NOD2: variants seen among roughly 807,000 people sequenced by gnomAD.
NOD2 encodes the protein nucleotide-binding oligomerization domain-containing protein 2.
A neutral mutation model predicts 90.9 loss-of-function variants in NOD2; 86 were observed. That is an observed-to-expected ratio of 0.95 (90% CI 0.79 to 1.13). NOD2 has a LOEUF of 1.13. Ranked by LOEUF, NOD2 falls within the 50% of genes most tolerant of loss-of-function variation. The pLI is 0.00. For missense variants in NOD2, 1,238 were observed against 1,283.8 expected, an observed-to-expected ratio of 0.96 and a Z score of 0.55; for synonymous variants, 581 against 554.6, an observed-to-expected ratio of 1.05 and a Z score of -0.67.
At chr16:50,727,711 A>G in intron 10 of NOD2, 1 of 363,130 alleles carries the variant, frequency 2.8e-6, no homozygotes, top group Non-Finnish European at 5.5e-6. Flanking sequence ...GTTGTGTGAC[A>G]TGCAGTCGGG....
At chr16:50,697,198 C>A in intron 1 of NOD2, 1 of 1,503,844 alleles carries the variant, frequency 6.6e-7, no homozygotes, top group Non-Finnish European at 9.1e-7. Flanking sequence ...CTGCACAAGG[C>A]CTACCCGCAG....
intron 5 of NOD2, 58 bp downstream of exon 5, chr16:50,716,728 CGT>C: frequency 6.4e-7 from 1 of 1,555,486 alleles, no homozygotes. Context: ...CACCCCAGGT[CGT>C]GCAGCCTGGG....
chr16:50,697,955 C>T (rs1327813342), intron 1 of NOD2: 1 of 155,194 alleles, frequency 6.4e-6, no homozygotes, highest in East Asian at 1.9e-4. Context: ...CTGTGCCAGG[C>T]TCAGGGATGC....
At chr16:50,704,150 A>T (rs575537741) in intron 2 of NOD2, among the ~76,000 whole-genome samples, 1 of 152,342 alleles carries the variant, frequency 6.6e-6, no homozygotes, top group South Asian at 2.1e-4. Context: ...CATCTAGGAG[A>T]TAACTGCCCT....
chr16:50,694,157 G>A (rs1186685142), intron 1 of NOD2, among the ~76,000 whole-genome samples: 1 of 152,132 alleles, frequency 6.6e-6, no homozygotes, highest in Non-Finnish European at 1.5e-5. Context: ...ATCTGGTCCT[G>A]CTTTCATTCC....
rs553428656 is a variant in NOD2 at position 50,708,496 on chromosome 16, A to C, written c.565+536A>C. ...TTATGGACAATGTCTACCCTTTGCA[A>C]CAACCCTGAGAAGTAGGTGGTGTTT... On this transcript the variant is annotated intron_variant, in intron 3 of 11. Transcript: ENST00000647318. Among the ~76,000 whole-genome samples, 4 of 152,344 alleles carry C rather than the reference A, an allele frequency of 2.6e-5. No homozygotes were observed. In the South Asian group the frequency reaches 8.3e-4, roughly 32 times the overall value.
intron 3 of NOD2, among the ~76,000 whole-genome samples, chr16:50,708,685 T>C (rs868002513): frequency 1.3e-5 from 2 of 152,166 alleles, no homozygotes; most frequent in Non-Finnish European, 2.9e-5. Context: ...TTAGGGCTTG[T>C]TCCTACACCA....
At position 50,722,630 on chromosome 16, in the gene NOD2, G is replaced by A; in HGVS notation, c.2642G>A (p.Gly881Asp). Residue 881 changes from glycine (G) to aspartate (D), a missense_variant, in exon 8 of 12, where the codon GGC (glycine) becomes GAC (aspartate). Coordinates refer to ENST00000647318, the MANE Select transcript of NOD2 (RefSeq NM_001370466.1). ...TCTTTTGGCCTTTTCAGATTCTGGGGCAACAGAGTGGGTGACGAGGGGGCC... is the reference window on the plus strand; with the variant it reads ...TCTTTTGGCCTTTTCAGATTCTGGGACAACAGAGTGGGTGACGAGGGGGCC... ...NTSLQFLGFW[G>D]NRVGDEGAQA... 21 of 1,614,208 alleles carry A rather than the reference G, an allele frequency of 1.3e-5. No homozygotes were observed. The highest frequency in any genetic ancestry group is 1.8e-5 in the Non-Finnish European group (21 of 1,180,016).
intron 6 of NOD2, among the ~76,000 whole-genome samples, chr16:50,719,093 G>T (rs969415753): frequency 1.3e-5 from 2 of 152,202 alleles, no homozygotes; most frequent in Non-Finnish European, 2.9e-5. Context: ...GATGTCTCAG[G>T]CAGGGGCTGG....
chr16:50,710,515 C>T, intron 3 of NOD2, 43 bp from the exon 4 acceptor site: 1 of 1,613,570 alleles, frequency 6.2e-7, no homozygotes, highest in Non-Finnish European at 8.5e-7. Flanking sequence ...GTCCCGTCTT[C>T]ACCATGGTGC....
At position 50,712,236 on chromosome 16, in the gene NOD2, C is replaced by T. The variant is rs1029003758; in HGVS notation, c.2244C>T (p.Gly748=). The part of the protein sequence containing the change: ...GHLKLTFCSV[G]PTECAALAFV... ...TCAAGTTGACATTTTGCAGTGTGGG[C>T]CCCACTGAGTGTGCTGCCCTGGCCT... is the stretch of plus-strand genomic sequence containing the variant. The change falls in exon 4 of 12, where the codon GGC becomes GGT. Residue 748 remains glycine, a synonymous_variant. Coordinates refer to ENST00000647318, the MANE Select transcript of NOD2 (RefSeq NM_001370466.1). The T allele has an allele frequency of 9.9e-6, 16 of 1,613,786 alleles. No individual in the cohort carries two copies. The highest frequency in any genetic ancestry group is 1.3e-5 in the Non-Finnish European group (15 of 1,180,054).
At chr16:50,719,530 C>G (rs994940411) in intron 6 of NOD2, among the ~76,000 whole-genome samples, 3 of 152,166 alleles carry the variant, frequency 2.0e-5, no homozygotes, top group Non-Finnish European at 2.9e-5. Flanking sequence ...GTAAAGCCTA[C>G]CTGTAGCAAC....
At chr16:50,719,675 G>A (rs1027682949) in intron 6 of NOD2, 2 of 634,738 alleles carry the variant, frequency 3.2e-6, no homozygotes, top group Admixed American at 4.2e-5. Flanking sequence ...GCCTACTGTG[G>A]CTCCTGCCTG....
Position 50,711,728 on chromosome 16 carries a change from T to C in NOD2, c.1736T>C (p.Phe579Ser), listed in dbSNP as rs765330092. 1.9e-6 allele frequency: 3 copies of C among 1,614,156 alleles called. No homozygotes were observed. In the Admixed American group the frequency reaches 5.0e-5, roughly 27 times the overall value. The stretch of plus-strand genomic sequence containing the variant: ...CCCCTGGAATTCCTTCACATCACTT[T>C]CCAGTGCTTCTTTGCCGCGTTCTAC... Reference protein sequence around the residue: ...TAPLEFLHITFQCFFAAFYLA... With the variant: ...TAPLEFLHITSQCFFAAFYLA... Residue 579 changes from phenylalanine (F) to serine (S), a missense_variant, in exon 4 of 12, where the codon TTC (phenylalanine) becomes TCC (serine). By Grantham distance (155) the Phe-to-Ser change is radical. Transcript: ENST00000647318.
chr16:50,729,993 T>C, intron 11 of NOD2, 92 bp downstream of exon 11: 1 of 843,846 alleles, frequency 1.2e-6, no homozygotes, highest in South Asian at 1.4e-5. Context: ...TGGCAGAATT[T>C]TGAGGATCCC....
Position 50,731,906 on chromosome 16 carries a change from C to G in NOD2, c.*87C>G, listed in dbSNP as rs1191651381. 4.0e-6 allele frequency: 4 copies of G among 999,004 alleles called. No homozygotes were observed. The highest frequency in any genetic ancestry group is 6.4e-6 in the Non-Finnish European group (4 of 626,786). The allele number at this position is 999,004 out of a possible 1,614,324, so 61.9% of individuals were successfully genotyped here. A position where few individuals can be genotyped will look rare whatever the true frequency, so the allele number is the denominator to read the frequency against. On this transcript the variant is annotated 3_prime_UTR_variant, in exon 12 of 12. Transcript: ENST00000647318. ...AGGCTGGGTGACATGTGTTGGCAGC[C>G]TCTTCAAAATGAGCCCTGTCCTGCC...
Position 50,710,870 on chromosome 16 carries a change from A to G in NOD2, c.878A>G (p.Gln293Arg), listed in dbSNP as rs201591164. Residue 293 changes from glutamine to arginine, a missense_variant, in exon 4 of 12, where the codon CAA (glutamine) becomes CGA (arginine). Around this residue, in one of 3 missense-constraint regions of NOD2, gnomAD observed 567 missense variants for 577.3 expected, o/e 0.98. Transcript: ENST00000647318. ...QRLHLLWAAG[Q>R]DFQEFLFVFP... is the part of the protein sequence containing the mutation. ...CTGCACTTGCTGTGGGCTGCAGGGCAAGACTTCCAGGAATTTCTCTTTGTC... is the reference window on the plus strand; with the variant it reads ...CTGCACTTGCTGTGGGCTGCAGGGCGAGACTTCCAGGAATTTCTCTTTGTC... The G allele has an allele frequency of 5.6e-6, 9 of 1,614,090 alleles. No individual in the cohort carries two copies. In the Admixed American group the frequency reaches 1.5e-4, roughly 27 times the overall value.
At chr16:50,726,991 T>C (rs1965287041) in intron 10 of NOD2, among the ~76,000 whole-genome samples, 1 of 151,780 alleles carries the variant, frequency 6.6e-6, no homozygotes, top group South Asian at 2.1e-4. Flanking sequence ...AAATACAAAA[T>C]TAGCCGGGCG....
intron 10 of NOD2, chr16:50,727,432 T>A: frequency 5.3e-6 from 1 of 187,928 alleles, no homozygotes. Context: ...AAATACATCT[T>A]TATTAATCAA....
Sources: allele counts gnomAD v4.1 joint callset (sites outside exome capture counted in the v4.1 genomes callset), GRCh38; gene constraint gnomAD v4.1.1; regional missense constraint gnomAD v4.1.1; transcripts MANE v1.5; gene names NCBI Gene and HGNC (gene_info 2026-07-23, HGNC 2026-07-21).